The following WASL variants were observed in gnomAD, a reference collection of about 807,000 sequenced individuals.
WASL encodes WASP like actin nucleation promoting factor.
In WASL, 20 loss-of-function variants were observed where a neutral mutation model predicts 55.5. That is an observed-to-expected ratio of 0.36 (90% CI 0.25 to 0.52). The LOEUF is 0.52. WASL is among the 20% of genes least tolerant of loss of function. The probability of loss-of-function intolerance (pLI) is 0.92; values close to 1 mark genes in which losing one functional copy is unlikely to be tolerated. For synonymous variants in WASL, 249 were observed against 217.6 expected, an observed-to-expected ratio of 1.14 and a Z score of -1.27; for missense variants, 504 against 622.5, an observed-to-expected ratio of 0.81 and a Z score of 2.03.
chr7:123,741,561 A>C (rs1804342621), intron 1 of WASL, among the ~76,000 whole-genome samples: 1 of 152,206 alleles, frequency 6.6e-6, no homozygotes, highest in Non-Finnish European at 1.5e-5. Flanking sequence ...TAGACAGAAT[A>C]AATTATAACA....
chr7:123,744,816 C>T (rs1009950958), intron 1 of WASL, among the ~76,000 whole-genome samples: 6 of 152,150 alleles, frequency 3.9e-5, no homozygotes, highest in Non-Finnish European at 5.9e-5. Context: ...ACAGATCTAA[C>T]TACAAAATAA....
intron 1 of WASL, among the ~76,000 whole-genome samples, chr7:123,738,567 A>AT (rs1804276883): frequency 6.6e-6 from 1 of 152,132 alleles, no homozygotes; most frequent in Non-Finnish European, 1.5e-5. Context: ...AATATTGCCA[A>AT]TTTTTTCTTC....
At chr7:123,718,885 A>C (rs1490011176) in intron 1 of WASL, among the ~76,000 whole-genome samples, 1 of 152,132 alleles carries the variant, frequency 6.6e-6, no homozygotes, top group African/African-American at 2.4e-5. Context: ...TGTATTTTTT[A>C]TTCTTTCATT....
intron 9 of WASL, among the ~76,000 whole-genome samples, chr7:123,690,078 G>A (rs1358538619): frequency 6.6e-6 from 1 of 152,042 alleles, no homozygotes; most frequent in East Asian, 1.9e-4. Context: ...CAGTATAGAA[G>A]TACCACAAAT....
At chr7:123,704,303 G>A (rs568188261) in intron 5 of WASL, among the ~76,000 whole-genome samples, 20 of 152,090 alleles carry the variant, frequency 1.3e-4, no homozygotes, top group Admixed American at 4.6e-4. Flanking sequence ...GTTAAGGTCC[G>A]ATTGTATACT....
intron 1 of WASL, among the ~76,000 whole-genome samples, chr7:123,719,432 G>A (rs1406032321): frequency 6.6e-6 from 1 of 152,192 alleles, no homozygotes; most frequent in Non-Finnish European, 1.5e-5. Flanking sequence ...TATGGGAACT[G>A]TGAAGTCCTA....
At chr7:123,748,406 T>C (rs1804477210) in intron 1 of WASL, among the ~76,000 whole-genome samples, 2 of 151,778 alleles carry the variant, frequency 1.3e-5, no homozygotes, top group South Asian at 4.2e-4. Flanking sequence ...TCCCTTATTC[T>C]CCAGCAGCTC....
chr7:123,738,503 C>G (rs796797480), intron 1 of WASL, among the ~76,000 whole-genome samples: 18 of 152,352 alleles, frequency 1.2e-4, no homozygotes, highest in African/African-American at 4.3e-4. Flanking sequence ...TTCCTACTAT[C>G]TAGCCATTTA....
intron 1 of WASL, among the ~76,000 whole-genome samples, chr7:123,747,291 G>A (rs147434606): frequency 6.6e-6 from 1 of 152,148 alleles, no homozygotes; most frequent in Non-Finnish European, 1.5e-5. Flanking sequence ...AATGGGGAGG[G>A]GCTTAAAGTT....
intron 6 of WASL, 115 bp from the exon 7 acceptor site, chr7:123,695,980 A>G (rs1803485893): frequency 1.2e-6 from 1 of 852,782 alleles, no homozygotes; most frequent in Admixed American, 2.2e-5. Flanking sequence ...CTGAACTAAC[A>G]GTTCTCACAG....
intron 1 of WASL, among the ~76,000 whole-genome samples, chr7:123,718,895 T>C (rs1803890731): frequency 6.6e-6 from 1 of 152,262 alleles, no homozygotes; most frequent in Admixed American, 6.5e-5. Flanking sequence ...ATTCTTTCAT[T>C]CAAGTATCTG....
intron 5 of WASL, among the ~76,000 whole-genome samples, chr7:123,701,470 T>C (rs1419960395): frequency 6.6e-6 from 1 of 152,198 alleles, no homozygotes; most frequent in Non-Finnish European, 1.5e-5. Context: ...GTCACGAAGC[T>C]GAGAACAAAT....
chr7:123,689,115 A>C lies in WASL; in HGVS notation c.1383T>G (p.Pro461=). 6.2e-7 allele frequency: 1 copy of C among 1,613,766 alleles called. No individual in the cohort carries two copies. Among genetic ancestry groups the C allele is most frequent in the South Asian group, 1.1e-5 (1 of 91,058 alleles). The part of the protein sequence containing the change: ...ADGQESTPPT[P]APTSGIVGAL... ...CACCCACAATTCCTGAAGTGGGTGC[A>C]GGTGTTGGTGGTGTAGACTCTTGGC... Residue 461 remains proline (P), a synonymous_variant, in exon 10 of 11, where the codon CCT becomes CCG. Coordinates refer to ENST00000223023, the MANE Select transcript of WASL (RefSeq NM_003941.4).
intron 1 of WASL, among the ~76,000 whole-genome samples, chr7:123,739,517 A>G (rs1189083043): frequency 6.8e-6 from 1 of 147,162 alleles, no homozygotes; most frequent in Non-Finnish European, 1.5e-5. Flanking sequence ...TACTTTCAGT[A>G]CAGTATTCAA....
intron 1 of WASL, among the ~76,000 whole-genome samples, chr7:123,727,414 A>G (rs954383279): frequency 1.3e-5 from 2 of 150,348 alleles, no homozygotes; most frequent in Non-Finnish European, 3.0e-5. Flanking sequence ...AGCCTTATTC[A>G]TAATAGTCAA....
At chr7:123,707,781 AC>A (rs1167127062) in intron 2 of WASL, among the ~76,000 whole-genome samples, 2 of 152,164 alleles carry the variant, frequency 1.3e-5, no homozygotes, top group Middle Eastern at 3.4e-3. Flanking sequence ...TGTGTTCCCC[AC>A]CCCCCAGAAT....
chr7:123,718,876 G>T (rs1222353184), intron 1 of WASL, among the ~76,000 whole-genome samples: 1 of 152,150 alleles, frequency 6.6e-6, no homozygotes, highest in Non-Finnish European at 1.5e-5. Context: ...CACACGTTTT[G>T]TATTTTTTAT....
At chr7:123,719,688 A>G (rs2116802501) in intron 1 of WASL, among the ~76,000 whole-genome samples, 1 of 152,324 alleles carries the variant, frequency 6.6e-6, no homozygotes, top group East Asian at 1.9e-4. Flanking sequence ...GCACCATTCT[A>G]TAAAATCTCC....
At chr7:123,744,358 A>G (rs1804394948) in intron 1 of WASL, among the ~76,000 whole-genome samples, 1 of 152,216 alleles carries the variant, frequency 6.6e-6, no homozygotes, top group Admixed American at 6.5e-5. Flanking sequence ...TAAACGAGTA[A>G]TTATAATTAT....
Sources: allele counts gnomAD v4.1 joint callset (sites outside exome capture counted in the v4.1 genomes callset), GRCh38; gene constraint gnomAD v4.1.1; transcripts MANE v1.5; gene names NCBI Gene and HGNC (gene_info 2026-07-23, HGNC 2026-07-21).